Variants in STK33 observed in about 807,000 individuals in gnomAD.
The protein encoded by STK33 is serine/threonine kinase 33.
In STK33, 52 loss-of-function variants were observed where a neutral mutation model predicts 58.0. The ratio of observed to expected loss-of-function variants is 0.90; its 90% CI spans 0.72 to 1.13. STK33 has a LOEUF of 1.13. STK33 is among the 50% of genes most tolerant of loss of function. The probability of loss-of-function intolerance (pLI) is 0.00; values close to 1 mark genes in which losing one functional copy is unlikely to be tolerated. For synonymous variants in STK33, 215 were observed against 200.1 expected (o/e 1.07, Z -0.63); for missense variants, 630 against 604.2 (o/e 1.04, Z -0.45).
the STK33 span, among the ~76,000 whole-genome samples, chr11:8,373,101 T>C: frequency 6.6e-6 from 1 of 152,214 alleles, no homozygotes; most frequent in Non-Finnish European, 1.5e-5. Flanking sequence ...TTGGCTGGGA[T>C]GACTGGGCTC....
At chr11:8,581,510 T>C (rs1041043599) in intron 1 of STK33, among the ~76,000 whole-genome samples, 3 of 152,026 alleles carry the variant, frequency 2.0e-5, no homozygotes, top group African/African-American at 7.3e-5. Context: ...GGTTTCACAA[T>C]ACCAAATCAA....
At chr11:8,488,547 G>A (rs559076939) in intron 1 of STK33, among the ~76,000 whole-genome samples, 1 of 151,914 alleles carries the variant, frequency 6.6e-6, no homozygotes, top group African/African-American at 2.4e-5. Flanking sequence ...AGAGTTCCTT[G>A]GCAAAGAATG....
At chr11:8,339,364 C>A in the STK33 span, among the ~76,000 whole-genome samples, 1 of 152,140 alleles carries the variant, frequency 6.6e-6, no homozygotes, top group Non-Finnish European at 1.5e-5. Context: ...TCTCCTCAGC[C>A]CCAAACAGGC....
chr11:8,523,556 C>T (rs1052941193), intron 1 of STK33, among the ~76,000 whole-genome samples: 2 of 151,662 alleles, frequency 1.3e-5, no homozygotes, highest in African/African-American at 4.8e-5. Flanking sequence ...CCCCTCCACC[C>T]GGCAGCCGCC....
intron 1 of STK33, among the ~76,000 whole-genome samples, chr11:8,578,287 C>T (rs1958324712): frequency 6.6e-6 from 1 of 151,948 alleles, no homozygotes; most frequent in Admixed American, 6.6e-5. Flanking sequence ...TACACATGTA[C>T]AAAATAACAT....
intron 14 of STK33, among the ~76,000 whole-genome samples, chr11:8,418,388 G>C (rs536201648): frequency 1.5e-3 from 226 of 152,196 alleles, no homozygotes; most frequent in Non-Finnish European, 2.5e-3. Flanking sequence ...ACAGCCTCTA[G>C]TTCCAGCCAT....
At chr11:8,553,950 G>A (rs948102843) in intron 1 of STK33, among the ~76,000 whole-genome samples, 4 of 152,032 alleles carry the variant, frequency 2.6e-5, no homozygotes, top group African/African-American at 9.7e-5. Context: ...CAAGTGGGAT[G>A]GCATCCACCT....
chr11:8,400,084 A>T (rs1045074127), intron 15 of STK33, among the ~76,000 whole-genome samples: 46 of 152,344 alleles, frequency 3.0e-4, no homozygotes, highest in African/African-American at 1.1e-3. Context: ...ATTCCAATCA[A>T]TAGAAAAAGA....
chr11:8,431,490 A>T (rs761813659), intron 14 of STK33, among the ~76,000 whole-genome samples: 12 of 152,202 alleles, frequency 7.9e-5, no homozygotes, highest in Non-Finnish European at 1.5e-4. Context: ...CTACACCTTG[A>T]TTACAAAGTG....
chr11:8,532,381 A>C (rs1411070727), intron 1 of STK33, among the ~76,000 whole-genome samples: 6 of 152,344 alleles, frequency 3.9e-5, no homozygotes. Flanking sequence ...TTTGCACTAC[A>C]ATGGCAGGGT....
At chr11:8,538,259 T>C (rs1331235980) in intron 1 of STK33, among the ~76,000 whole-genome samples, 1 of 152,110 alleles carries the variant, frequency 6.6e-6, no homozygotes, top group African/African-American at 2.4e-5. Flanking sequence ...ATAATGAGTA[T>C]CTTATACATA....
chr11:8,441,462 C>T (rs1180314954), intron 11 of STK33, among the ~76,000 whole-genome samples: 1 of 152,020 alleles, frequency 6.6e-6, no homozygotes, highest in African/African-American at 2.4e-5. Flanking sequence ...AGGTATCATC[C>T]CACCGCAGCT....
the STK33 span, among the ~76,000 whole-genome samples, chr11:8,383,323 G>A: frequency 6.6e-6 from 1 of 152,182 alleles, no homozygotes; most frequent in Non-Finnish European, 1.5e-5. Flanking sequence ...AGCTCCAGAA[G>A]GGCCAGTGAG....
intron 15 of STK33, among the ~76,000 whole-genome samples, chr11:8,406,978 A>ATT (rs34574969): frequency 6.6e-4 from 98 of 148,744 alleles, no homozygotes; most frequent in Non-Finnish European, 1.0e-3. Context: ...GTAGTTTTGG[A>ATT]TTTTTTTTTT....
At chr11:8,593,134 T>C (rs757041031) in intron 1 of STK33, among the ~76,000 whole-genome samples, 12 of 152,110 alleles carry the variant, frequency 7.9e-5, no homozygotes, top group Admixed American at 6.5e-4. Flanking sequence ...GTATGACCCA[T>C]TGAGATAGCA....
At chr11:8,399,324 C>T (rs546643411) in intron 15 of STK33, among the ~76,000 whole-genome samples, 9 of 152,226 alleles carry the variant, frequency 5.9e-5, no homozygotes, top group African/African-American at 2.2e-4. Flanking sequence ...CACTCAAAAC[C>T]GCTCAACTAC....
intron 15 of STK33, among the ~76,000 whole-genome samples, chr11:8,400,629 G>T (rs536366957): frequency 6.6e-6 from 1 of 152,242 alleles, no homozygotes; most frequent in Non-Finnish European, 1.5e-5. Flanking sequence ...GGGCAATCAG[G>T]CAGGAGAAGG....
At chr11:8,458,024 A>G (rs974855769) in intron 8 of STK33, among the ~76,000 whole-genome samples, 2 of 152,216 alleles carry the variant, frequency 1.3e-5, no homozygotes, top group African/African-American at 4.8e-5. Context: ...TCTGGATATC[A>G]TGATAAGGAG....
In STK33 at chr11:8,461,837, T is replaced by C. The variant is rs369943323; in HGVS notation, c.526A>G (p.Ile176Val). Residue 176 changes from isoleucine (I) to valine (V), a missense_variant, in exon 8 of 16, where the codon ATA (isoleucine) becomes GTA (valine). Coordinates refer to ENST00000687296, the MANE Select transcript of STK33 (RefSeq NM_001352389.2). ...GTTTCAAATACTTGTTCCAGATGTATGATGTGTTCATGTTTTACACTTTTC... is the reference window on the plus strand; with the variant it reads ...GTTTCAAATACTTGTTCCAGATGTACGATGTGTTCATGTTTTACACTTTTC... ...ILKSVKHEHI[I>V]HLEQVFETPK... 88 of 1,602,072 alleles carry C rather than the reference T, an allele frequency of 5.5e-5. No homozygotes were observed. Among genetic ancestry groups the C allele is most frequent in the African/African-American group, 8.1e-5 (6 of 74,174 alleles).
Sources: gnomAD v4.1 joint callset for allele counts (sites outside exome capture counted in the v4.1 genomes callset) on GRCh38, gnomAD v4.1.1 for gene constraint, MANE v1.5 for transcripts, NCBI Gene and HGNC (gene_info 2026-07-23, HGNC 2026-07-21) for gene names.